Variants in ATP8B4 observed in about 807,000 individuals in gnomAD.
The protein encoded by ATP8B4 is ATPase phospholipid transporting 8B4 (putative).
Under a neutral mutation model 145.6 loss-of-function variants are expected in ATP8B4, and 133 were observed. The ratio of observed to expected loss-of-function variants is 0.91; its 90% CI spans 0.79 to 1.05. The LOEUF (loss-of-function observed/expected upper bound fraction) is 1.05, where lower values mean the gene tolerates loss of function less well. ATP8B4 is among the 50% of genes least tolerant of loss of function. The probability of loss-of-function intolerance (pLI) is 0.00; values close to 1 mark genes in which losing one functional copy is unlikely to be tolerated. For missense variants in ATP8B4, 1,458 were observed against 1,425.2 expected (o/e 1.02, Z -0.37); for synonymous variants, 507 against 492.9 (o/e 1.03, Z -0.38).
At position 50,085,958 on chromosome 15, in the gene ATP8B4, T is replaced by TATATTTATATATGATATATC. The variant is rs2054957135; in HGVS notation, c.29-11793_29-11774dup. Among the ~76,000 whole-genome samples, 4 of 29,238 alleles carry TATATTTATATATGATATATC rather than the reference T, an allele frequency of 1.4e-4. 1 individual carries two copies. Among genetic ancestry groups the TATATTTATATATGATATATC allele is most frequent in the Admixed American group, 8.8e-4 (2 of 2,274 alleles). 19.2% of individuals were successfully genotyped at this position (29,238 alleles called of 152,430 possible). On this transcript the variant is annotated intron_variant, in intron 2 of 27. Coordinates refer to ENST00000284509, the MANE Select transcript of ATP8B4 (RefSeq NM_024837.4). ...ATATTTATATATGATATATATCATA[T>TATATTTATATATGATATATC]ATATTTATATATGATATATCAAATA...
At chr15:50,030,954 T>C (rs1004039502) in intron 6 of ATP8B4, among the ~76,000 whole-genome samples, 1 of 152,188 alleles carries the variant, frequency 6.6e-6, no homozygotes, top group South Asian at 2.1e-4. Context: ...ACGGCTCACA[T>C]ACAGAAACCA....
intron 23 of ATP8B4, chr15:49,886,018 G>A (rs535704038): frequency 6.6e-6 from 1 of 152,242 alleles, no homozygotes; most frequent in South Asian, 2.1e-4. Context: ...GTGGCTTCTG[G>A]ACCACTCATC....
intron 14 of ATP8B4, among the ~76,000 whole-genome samples, chr15:49,959,897 T>C (rs2043911539): frequency 6.6e-6 from 1 of 151,884 alleles, no homozygotes; most frequent in Non-Finnish European, 1.5e-5. Flanking sequence ...AAATTTAACA[T>C]CATTCTAACA....
chr15:49,936,306 C>T (rs1397661578), intron 14 of ATP8B4, among the ~76,000 whole-genome samples: 1 of 152,092 alleles, frequency 6.6e-6, no homozygotes, highest in Admixed American at 6.6e-5. Flanking sequence ...TTAATTGATT[C>T]TCTTGCTTTG....
Position 49,866,337 on chromosome 15 carries a change from C to T in ATP8B4, c.3166+9G>A. 6.2e-7 allele frequency: 1 copy of T among 1,613,438 alleles called. No homozygotes were observed. Among genetic ancestry groups the T allele is most frequent in the Non-Finnish European group, 8.5e-7 (1 of 1,179,544 alleles). ...CACTAGGTTCCACTAGTCAACATGA[C>T]TCACTTACCAACAAATGGAAACTGG... On this transcript the variant is annotated intron_variant, in intron 26 of 27. Transcript: ENST00000284509.
intron 2 of ATP8B4, among the ~76,000 whole-genome samples, chr15:50,090,330 C>T (rs1247362356): frequency 6.6e-6 from 1 of 152,126 alleles, no homozygotes; most frequent in African/African-American, 2.4e-5. Context: ...TGTAACAAAC[C>T]TGCACATCCT....
At chr15:50,002,051 G>A in intron 8 of ATP8B4, 102 bp downstream of exon 8, 3 of 942,252 alleles carry the variant, frequency 3.2e-6, no homozygotes, top group Non-Finnish European at 4.8e-6. Context: ...AAACTCCTAT[G>A]TCTCCCAAGA....
chr15:49,920,223 C>T, intron 18 of ATP8B4, 23 bp downstream of exon 18: 1 of 1,611,046 alleles, frequency 6.2e-7, no homozygotes, highest in Non-Finnish European at 8.5e-7. Context: ...TAAACACAAA[C>T]CATCATGCTT....
chr15:50,158,053 A>C (rs1004959293), intron 1 of ATP8B4, among the ~76,000 whole-genome samples: 3 of 152,180 alleles, frequency 2.0e-5, no homozygotes, highest in Non-Finnish European at 4.4e-5. Context: ...TCGTTCACTC[A>C]GTGCTCAGTG....
chr15:50,002,841 A>G (rs2048005537), intron 7 of ATP8B4, among the ~76,000 whole-genome samples: 2 of 152,180 alleles, frequency 1.3e-5, no homozygotes, highest in African/African-American at 4.8e-5. Context: ...GGAAAAAATC[A>G]GATACTGAGT....
At chr15:50,026,000 G>T (rs2414003) in intron 6 of ATP8B4, among the ~76,000 whole-genome samples, 48,541 of 152,022 alleles carry the variant, frequency 0.32, 8,273 homozygotes, top group East Asian at 0.64. Context: ...GACACCTTTT[G>T]CTACAATTTC....
At chr15:50,107,923 G>A (rs746065117) in intron 1 of ATP8B4, among the ~76,000 whole-genome samples, 9 of 152,076 alleles carry the variant, frequency 5.9e-5, no homozygotes, top group Non-Finnish European at 1.0e-4. Context: ...TCCCCGAGAA[G>A]TCTAAAAAGC....
intron 6 of ATP8B4, among the ~76,000 whole-genome samples, chr15:50,023,544 T>C (rs1270224170): frequency 2.0e-5 from 3 of 152,190 alleles, no homozygotes; most frequent in Non-Finnish European, 4.4e-5. Context: ...CTGTTGCTTA[T>C]TGTTTTCCTA....
chr15:50,019,874 T>A (rs2049393853), intron 6 of ATP8B4, among the ~76,000 whole-genome samples: 1 of 152,204 alleles, frequency 6.6e-6, no homozygotes, highest in Non-Finnish European at 1.5e-5. Flanking sequence ...GCCCTTTCTC[T>A]TTTGCCCATC....
chr15:50,086,213 A>C (rs2055041606), intron 2 of ATP8B4, among the ~76,000 whole-genome samples: 2 of 106,894 alleles, frequency 1.9e-5, no homozygotes, highest in Non-Finnish European at 3.3e-5. Context: ...TAATATAGAG[A>C]TCTATATTTA....
Position 49,923,502 on chromosome 15 carries a change from GAA to G in ATP8B4, c.1643-10_1643-9del, listed in dbSNP as rs756532311. The G allele has an allele frequency of 6.4e-7, 1 of 1,573,486 alleles. No homozygotes were observed. Among genetic ancestry groups the G allele is most frequent in the Admixed American group, 1.9e-5 (1 of 52,118 alleles). On this transcript the variant is annotated splice_polypyrimidine_tract_variant and intron_variant, in intron 16 of 27. Transcript: ENST00000284509. ...GTCCTTCTGGGTTTCGAACTGAAAA[GAA>G]AAAAGTTTGGAAAAGCAGAATATAA... is the stretch of plus-strand genomic sequence containing the variant.
At chr15:50,109,572 A>G (rs1176084179) in intron 1 of ATP8B4, among the ~76,000 whole-genome samples, 1 of 151,980 alleles carries the variant, frequency 6.6e-6, no homozygotes, top group African/African-American at 2.4e-5. Context: ...GACTAAGTCA[A>G]CATGTTCTGT....
At chr15:50,130,960 TG>T in intron 1 of ATP8B4, among the ~76,000 whole-genome samples, 1 of 152,166 alleles carries the variant, frequency 6.6e-6, no homozygotes, top group East Asian at 1.9e-4. Context: ...TCAGCATGGC[TG>T]GGGAGTTCTC....
chr15:50,034,322 TG>T (rs139694580), intron 6 of ATP8B4, among the ~76,000 whole-genome samples: 8,928 of 150,852 alleles, frequency 0.059, 307 homozygotes, highest in South Asian at 0.12. Flanking sequence ...CCTCCCCCTC[TG>T]GGTTCAAATA....
Sources: allele counts gnomAD v4.1 joint callset (sites outside exome capture counted in the v4.1 genomes callset), GRCh38; gene constraint gnomAD v4.1.1; transcripts MANE v1.5; gene names NCBI Gene and HGNC (gene_info 2026-07-23, HGNC 2026-07-21).